The following CFAP299 variants were observed in gnomAD, a reference collection of about 807,000 sequenced individuals.
CFAP299 encodes cilia- and flagella-associated protein 299.
In CFAP299, 21 loss-of-function variants were observed where a neutral mutation model predicts 27.0. The observed-to-expected ratio is 0.78, with a 90% CI of 0.55 to 1.12. CFAP299 has a LOEUF of 1.12. Ranked by LOEUF, CFAP299 falls within the 50% of genes most tolerant of loss-of-function variation. CFAP299 has a pLI of 0.00. For synonymous variants in CFAP299, 104 were observed against 98.1 expected, an observed-to-expected ratio of 1.06 and a Z score of -0.36; for missense variants, 310 against 276.6, an observed-to-expected ratio of 1.12 and a Z score of -0.86.
chr4:80,436,600 C>G (rs1374408327), intron 2 of CFAP299, among the ~76,000 whole-genome samples: 1 of 152,114 alleles, frequency 6.6e-6, no homozygotes, highest in African/African-American at 2.4e-5. Context: ...CCGTGCCTGG[C>G]CAAAATGTGG....
chr4:80,681,180 C>T (rs902295100), intron 3 of CFAP299, among the ~76,000 whole-genome samples: 2 of 152,106 alleles, frequency 1.3e-5, no homozygotes, highest in East Asian at 3.8e-4. Flanking sequence ...CCCACTAATC[C>T]TTGTAACTGT....
intron 2 of CFAP299, among the ~76,000 whole-genome samples, chr4:80,483,097 T>G (rs1008441306): frequency 6.6e-6 from 1 of 152,168 alleles, no homozygotes; most frequent in African/African-American, 2.4e-5. Context: ...GTGCATTCAA[T>G]GTAATCACAA....
chr4:80,625,152 C>T (rs560622393), intron 3 of CFAP299, among the ~76,000 whole-genome samples: 1 of 151,880 alleles, frequency 6.6e-6, no homozygotes, highest in African/African-American at 2.4e-5. Flanking sequence ...AAGGTTAAGA[C>T]AAAACTATTA....
chr4:80,901,261 G>A (rs1734878539), intron 4 of CFAP299, among the ~76,000 whole-genome samples: 2 of 152,138 alleles, frequency 1.3e-5, no homozygotes, highest in Non-Finnish European at 2.9e-5. Flanking sequence ...GAACACGCAT[G>A]TGCACATACA....
chr4:80,400,670 A>G (rs1726106120), intron 2 of CFAP299, among the ~76,000 whole-genome samples: 1 of 152,126 alleles, frequency 6.6e-6, no homozygotes, highest in African/African-American at 2.4e-5. Flanking sequence ...GTATGTCTCT[A>G]TTAACAGCAT....
chr4:80,941,217 A>AT (rs377081408), intron 4 of CFAP299, among the ~76,000 whole-genome samples: 9 of 152,112 alleles, frequency 5.9e-5, no homozygotes, highest in East Asian at 3.8e-4. Flanking sequence ...ATAAAGACAC[A>AT]TTTTTTCCCA....
At chr4:80,727,996 A>T (rs1723255939) in intron 3 of CFAP299, among the ~76,000 whole-genome samples, 1 of 152,080 alleles carries the variant, frequency 6.6e-6, no homozygotes. Flanking sequence ...GTGAAAGAAT[A>T]TCTCATTTCA....
intron 3 of CFAP299, among the ~76,000 whole-genome samples, chr4:80,603,298 G>T (rs1737461341): frequency 6.6e-6 from 1 of 152,100 alleles, no homozygotes; most frequent in Non-Finnish European, 1.5e-5. Context: ...ATGCCCAAAT[G>T]TCCAGCAATC....
chr4:80,608,267 TA>T (rs1442643257), intron 3 of CFAP299: 33 of 1,056,922 alleles, frequency 3.1e-5, no homozygotes, highest in Non-Finnish European at 4.3e-5. Context: ...AGCTATACTT[TA>T]GATAGGAGAT....
At chr4:80,757,570 A>G (rs148377339) in intron 3 of CFAP299, among the ~76,000 whole-genome samples, 27 of 152,090 alleles carry the variant, frequency 1.8e-4, no homozygotes, top group African/African-American at 6.3e-4. Context: ...GAAGCCTTCT[A>G]TAGTTTCTTA....
At chr4:80,886,061 C>T (rs912035787) in intron 4 of CFAP299, among the ~76,000 whole-genome samples, 1 of 152,088 alleles carries the variant, frequency 6.6e-6, no homozygotes, top group Non-Finnish European at 1.5e-5. Context: ...TCAGTGGTGG[C>T]CTGGCAGAAC....
At chr4:80,724,984 G>A (rs920441254) in intron 3 of CFAP299, among the ~76,000 whole-genome samples, 2 of 144,988 alleles carry the variant, frequency 1.4e-5, no homozygotes, top group Non-Finnish European at 3.0e-5. Flanking sequence ...GTCTTGCTGT[G>A]TTGCCCATGC....
rs544894729 is a variant in CFAP299 at position 80,430,935 on chromosome 4, C to A, written c.242+68051C>A. 4.6e-5 allele frequency among the ~76,000 whole-genome samples: 7 copies of A among 152,238 alleles called. No individual in the cohort carries two copies. In the South Asian group the frequency reaches 6.2e-4, roughly 14 times the overall value. ...ACACCAGGGCCTTTTTTTGTGGGAA[C>A]CTTTTCTTCCAGATACCCAAATGGT... On this transcript the variant is annotated intron_variant, in intron 2 of 5. Transcript: ENST00000358105.
chr4:80,438,694 T>A (rs928195284), intron 2 of CFAP299, among the ~76,000 whole-genome samples: 2 of 152,222 alleles, frequency 1.3e-5, no homozygotes, highest in African/African-American at 4.8e-5. Context: ...ATGTCCAGGC[T>A]TTTCTCCTTT....
At chr4:80,434,488 A>G (rs191446031) in intron 2 of CFAP299, among the ~76,000 whole-genome samples, 5 of 152,324 alleles carry the variant, frequency 3.3e-5, no homozygotes, top group African/African-American at 1.2e-4. Context: ...AAATACTTTT[A>G]ACAGTGGTGT....
intron 3 of CFAP299, among the ~76,000 whole-genome samples, chr4:80,716,439 A>C (rs940133394): frequency 1.3e-5 from 2 of 151,258 alleles, no homozygotes; most frequent in African/African-American, 4.8e-5. Flanking sequence ...AAGACAGATC[A>C]ATTTGGGCTT....
At chr4:80,595,187 G>A (rs545103085) in intron 3 of CFAP299, among the ~76,000 whole-genome samples, 1 of 152,158 alleles carries the variant, frequency 6.6e-6, no homozygotes, top group Non-Finnish European at 1.5e-5. Flanking sequence ...CCATATCTCT[G>A]GAATTCCTGA....
chr4:80,735,293 A>G (rs921946969), intron 3 of CFAP299, among the ~76,000 whole-genome samples: 2 of 152,136 alleles, frequency 1.3e-5, no homozygotes, highest in Non-Finnish European at 2.9e-5. Flanking sequence ...TTGAATTTGT[A>G]TACTGCAACA....
intron 3 of CFAP299, among the ~76,000 whole-genome samples, chr4:80,799,891 A>AT (rs1560417805): frequency 2.4e-5 from 1 of 41,466 alleles, no homozygotes; most frequent in African/African-American, 1.1e-4. Context: ...TATAATATAT[A>AT]AATTATATAT....
Sources: allele counts gnomAD v4.1 joint callset (sites outside exome capture counted in the v4.1 genomes callset), GRCh38; gene constraint gnomAD v4.1.1; transcripts MANE v1.5; gene names NCBI Gene and HGNC (gene_info 2026-07-23, HGNC 2026-07-21).